TWIST2: variants seen among roughly 807,000 people sequenced by gnomAD.
The protein encoded by TWIST2 is twist-related protein 2.
In TWIST2, 1 loss-of-function variant was observed where a neutral mutation model predicts 11.6. The ratio of observed to expected loss-of-function variants is 0.09; its 90% CI spans 0.03 to 0.41. The LOEUF (loss-of-function observed/expected upper bound fraction) is 0.41, where lower values mean the gene tolerates loss of function less well. TWIST2 is among the 10% of genes least tolerant of loss of function. The pLI is 0.98. For synonymous variants in TWIST2, 87 were observed against 96.6 expected (o/e 0.90, Z 0.58); for missense variants, 168 against 226.4 (o/e 0.74, Z 1.66).
At chr2:238,855,590 GTTTCC>G (rs1460470882) in intron 1 of TWIST2, among the ~76,000 whole-genome samples, 1 of 152,138 alleles carries the variant, frequency 6.6e-6, no homozygotes, top group African/African-American at 2.4e-5. Flanking sequence ...TCCAGCAAGT[GTTTCC>G]TACCGCTTCC....
chr2:238,851,921 C>T (rs1692248584), intron 1 of TWIST2, among the ~76,000 whole-genome samples: 1 of 148,890 alleles, frequency 6.7e-6, no homozygotes. Flanking sequence ...GGCCTTGCAT[C>T]AGGGAAGTCT....
At chr2:238,902,419 T>A (rs1484181404) in intron 1 of TWIST2, among the ~76,000 whole-genome samples, 1 of 150,776 alleles carries the variant, frequency 6.6e-6, no homozygotes, top group Non-Finnish European at 1.5e-5. Flanking sequence ...GGTGTGTGTG[T>A]GATGTGATAA....
chr2:238,850,752 C>T (rs544428713), intron 1 of TWIST2, among the ~76,000 whole-genome samples: 3 of 152,230 alleles, frequency 2.0e-5, no homozygotes, highest in East Asian at 1.9e-4. Context: ...TAGATAATTA[C>T]ACAGTTAGTG....
rs1302189228 is a variant in TWIST2 at position 238,864,585 on chromosome 2, C to T, written c.*35+15852C>T. Among the ~76,000 whole-genome samples the T allele has an allele frequency of 6.6e-6, 1 of 151,970 alleles. No individual in the cohort carries two copies. On this transcript the variant is annotated intron_variant, in intron 1 of 1. Coordinates refer to ENST00000612363, the MANE Select transcript of TWIST2 (RefSeq NM_001271893.4). The surrounding 1 kb of genome is among the most constrained non-coding windows in gnomAD (Gnocchi z 4.7). ...CTGGGGAGGGGAGAACTAAGGGCACCAGGCAGCCCACCCGGCCCGGCCAAG... is the reference window on the plus strand; with the variant it reads ...CTGGGGAGGGGAGAACTAAGGGCACTAGGCAGCCCACCCGGCCCGGCCAAG...
intron 1 of TWIST2, among the ~76,000 whole-genome samples, chr2:238,899,736 G>A (rs910405454): frequency 6.6e-6 from 1 of 152,136 alleles, no homozygotes; most frequent in East Asian, 1.9e-4. Flanking sequence ...TTAAATACCC[G>A]ACTTGACTTG....
At chr2:238,902,335 G>A (rs1443888930) in intron 1 of TWIST2, among the ~76,000 whole-genome samples, 3 of 150,892 alleles carry the variant, frequency 2.0e-5, no homozygotes, top group African/African-American at 4.9e-5. Context: ...GTGTGGGGGT[G>A]TGTGGTGTTG....
chr2:238,848,159 A>C lies in TWIST2; in HGVS notation c.-57A>C. 2 of 1,179,488 alleles carry C rather than the reference A, an allele frequency of 1.7e-6. No individual in the cohort carries two copies. The highest frequency in any genetic ancestry group is 2.1e-6 in the Non-Finnish European group (2 of 954,864). 73.1% of individuals were successfully genotyped at this position (1,179,488 alleles called of 1,614,324 possible). On this transcript the variant is annotated 5_prime_UTR_variant, in exon 1 of 2. Coordinates refer to ENST00000612363, the MANE Select transcript of TWIST2 (RefSeq NM_001271893.4). ...GTGCTCGGCGACCGCGGGCTTGGCC[A>C]GCGGCGCGCGCTCGGCGCCCCGGCG...
chr2:238,909,905 C>G lies in TWIST2; in HGVS notation c.*99C>G, dbSNP rs1408557923. On this transcript the variant is annotated 3_prime_UTR_variant, in exon 2 of 2. Transcript: ENST00000612363. Reference sequence around the variant, plus strand: ...GCATTCGAGTCTGTAACTTCTGAAACCTGAACAACCTCAGGAGGCCCCCAC... The same window carrying G: ...GCATTCGAGTCTGTAACTTCTGAAAGCTGAACAACCTCAGGAGGCCCCCAC... 6.6e-6 allele frequency: 1 copy of G among 152,216 alleles called. No homozygotes were observed. The highest frequency in any genetic ancestry group is 2.4e-5 in the African/African-American group (1 of 41,428). 9.4% of individuals were successfully genotyped at this position (152,216 alleles called of 1,614,324 possible). A position where few individuals can be genotyped will look rare whatever the true frequency, so the allele number is the denominator to read the frequency against.
intron 1 of TWIST2, among the ~76,000 whole-genome samples, chr2:238,874,229 A>G (rs1692764445): frequency 6.6e-6 from 1 of 152,178 alleles, no homozygotes; most frequent in African/African-American, 2.4e-5. Flanking sequence ...AGGGAAACAC[A>G]ACTTGGGAAC....
chr2:238,903,518 GGT>G (rs1300407315), intron 1 of TWIST2, among the ~76,000 whole-genome samples: 1 of 140,028 alleles, frequency 7.1e-6, no homozygotes, highest in African/African-American at 2.8e-5. Flanking sequence ...TGTGATGTGG[GGT>G]GTGTCTAATG....
chr2:238,868,861 G>A (rs566342862), intron 1 of TWIST2, among the ~76,000 whole-genome samples: 101 of 152,346 alleles, frequency 6.6e-4, no homozygotes, highest in African/African-American at 2.3e-3. Context: ...AGGGGCTTGT[G>A]TCCATTTGAT....
intron 1 of TWIST2, among the ~76,000 whole-genome samples, chr2:238,881,664 T>G (rs942476436): frequency 1.3e-5 from 2 of 152,148 alleles, no homozygotes; most frequent in African/African-American, 4.8e-5. Context: ...CTGGCTGGGC[T>G]GGGCTGGTGT....
At chr2:238,865,792 T>C (rs1346062402) in intron 1 of TWIST2, among the ~76,000 whole-genome samples, 1 of 152,084 alleles carries the variant, frequency 6.6e-6, no homozygotes, top group African/African-American at 2.4e-5. Context: ...TGCCAGTGAA[T>C]ACACCAATTT....
chr2:238,906,118 G>A (rs1693350911), intron 1 of TWIST2, among the ~76,000 whole-genome samples: 1 of 152,150 alleles, frequency 6.6e-6, no homozygotes, highest in African/African-American at 2.4e-5. Context: ...TGGGCTGCTG[G>A]GGTGAAGCCT....
At chr2:238,907,632 T>A (rs1030553935) in intron 1 of TWIST2, among the ~76,000 whole-genome samples, 16 of 151,828 alleles carry the variant, frequency 1.1e-4, no homozygotes, top group Middle Eastern at 3.2e-3. Flanking sequence ...TTGATCATAG[T>A]GGGGGGTGCA....
intron 1 of TWIST2, among the ~76,000 whole-genome samples, chr2:238,875,626 A>C (rs1308419852): frequency 6.6e-6 from 1 of 152,176 alleles, no homozygotes; most frequent in Non-Finnish European, 1.5e-5. Flanking sequence ...GTTTACAAAC[A>C]GATGGGAGCC....
chr2:238,880,690 T>C, intron 1 of TWIST2, among the ~76,000 whole-genome samples: 1 of 99,598 alleles, frequency 1.0e-5, no homozygotes, highest in South Asian at 3.5e-4. Flanking sequence ...AGTATTAGTG[T>C]ATTTATTAGT....
At chr2:238,905,982 T>C (rs1052360198) in intron 1 of TWIST2, among the ~76,000 whole-genome samples, 9 of 141,924 alleles carry the variant, frequency 6.3e-5, no homozygotes, top group African/African-American at 2.4e-4. Context: ...TGCGCGCGCG[T>C]GTACGTGCGC....
At chr2:238,879,116 C>T (rs1009935819) in intron 1 of TWIST2, among the ~76,000 whole-genome samples, 6 of 152,210 alleles carry the variant, frequency 3.9e-5, no homozygotes, top group Admixed American at 3.9e-4. Context: ...CCGTCCTGGG[C>T]GGACACACAG....
Sources: gnomAD v4.1 joint callset for allele counts (sites outside exome capture counted in the v4.1 genomes callset) on GRCh38, gnomAD v4.1.1 for gene constraint, Gnocchi (gnomAD v3.1) non-coding constraint, MANE v1.5 for transcripts, NCBI Gene and HGNC (gene_info 2026-07-23, HGNC 2026-07-21) for gene names.